Variants in ADGRF5 observed in about 807,000 individuals in gnomAD.
ADGRF5 encodes the protein adhesion G protein-coupled receptor F5.
A neutral mutation model predicts 132.3 loss-of-function variants in ADGRF5; 75 were observed. The ratio of observed to expected loss-of-function variants is 0.57; its 90% CI spans 0.47 to 0.69. ADGRF5 has a LOEUF of 0.69. Among genes scored for constraint, ADGRF5 ranks in the 30% least tolerant of loss-of-function variants. The pLI is 0.00. For synonymous variants in ADGRF5, 629 were observed against 597.6 expected (o/e 1.05, Z -0.77); for missense variants, 1,516 against 1,630.6 (o/e 0.93, Z 1.21).
chr6:46,889,680 A>T (rs1450707379), intron 3 of ADGRF5, among the ~76,000 whole-genome samples: 1 of 147,670 alleles, frequency 6.8e-6, no homozygotes, highest in Admixed American at 6.8e-5. Context: ...ATATACATAT[A>T]TAGACTATAT....
Position 46,860,599 on chromosome 6 carries a change from A to G in ADGRF5, c.2379+116T>C, listed in dbSNP as rs540184626. ...CATAGCTGGCAGAACTATCCTGAGC[A>G]CTGCTCTGGAAAAGACAGAGAAGCT... On this transcript the variant is annotated intron_variant, in intron 16 of 20. Transcript: ENST00000283296. 42 of 674,194 alleles carry G rather than the reference A, an allele frequency of 6.2e-5. No homozygotes were observed. In the African/African-American group the frequency reaches 6.8e-4, roughly 11 times the overall value. The allele number at this position is 674,194 out of a possible 1,614,324, so 41.8% of individuals were successfully genotyped here. A position where few individuals can be genotyped will look rare whatever the true frequency, so the allele number is the denominator to read the frequency against.
chr6:46,905,613 C>A (rs569623036), intron 2 of ADGRF5, among the ~76,000 whole-genome samples: 1 of 151,854 alleles, frequency 6.6e-6, no homozygotes, highest in African/African-American at 2.4e-5. Flanking sequence ...GGACAAAAAT[C>A]GGGCAAACAC....
intron 14 of ADGRF5, 106 bp downstream of exon 14, chr6:46,864,936 G>T: frequency 1.3e-6 from 1 of 758,034 alleles, no homozygotes; most frequent in Admixed American, 2.4e-5. Flanking sequence ...ACCACAGTGA[G>T]GGTATTTAAC....
chr6:46,874,782 C>A (rs1230770758), intron 10 of ADGRF5, among the ~76,000 whole-genome samples: 1 of 152,156 alleles, frequency 6.6e-6, no homozygotes, highest in Non-Finnish European at 1.5e-5. Flanking sequence ...CTAACCACAG[C>A]AGCTCCACTT....
chr6:46,940,499 A>T (rs9369646), intron 1 of ADGRF5, among the ~76,000 whole-genome samples: 77,970 of 151,886 alleles, frequency 0.51, 20,961 homozygotes, highest in East Asian at 0.64. Flanking sequence ...AGCCCTCAGG[A>T]TATATTTCAG....
chr6:46,852,624 T>C lies in ADGRF5; in HGVS notation c.*1368A>G, dbSNP rs1269684272. 1 of 144,836 alleles carries C rather than the reference T, an allele frequency of 6.9e-6. No homozygotes were observed. Among genetic ancestry groups the C allele is most frequent in the African/African-American group, 2.9e-5 (1 of 34,540 alleles). The allele number at this position is 144,836 out of a possible 1,614,324, so 9.0% of individuals were successfully genotyped here. ...TTTCATAAATATTTATATTTTTTAA[T>C]GAAATACACACCAAAAAAAAGCACA... is the stretch of plus-strand genomic sequence containing the variant. On this transcript the variant is annotated 3_prime_UTR_variant, in exon 21 of 21. Coordinates refer to ENST00000283296, the MANE Select transcript of ADGRF5 (RefSeq NM_001098518.2).
chr6:46,914,812 C>G (rs182646150), intron 1 of ADGRF5, among the ~76,000 whole-genome samples: 2 of 151,576 alleles, frequency 1.3e-5, no homozygotes, highest in Non-Finnish European at 1.5e-5. Flanking sequence ...GGAGGGAAGC[C>G]CTGTGGAATG....
intron 8 of ADGRF5, among the ~76,000 whole-genome samples, chr6:46,880,826 C>T (rs1407376530): frequency 6.6e-6 from 1 of 152,136 alleles, no homozygotes. Flanking sequence ...CATGGTGGCT[C>T]ATGCCTGTAA....
chr6:46,931,812 C>T (rs1010754622), intron 1 of ADGRF5, among the ~76,000 whole-genome samples: 27 of 152,138 alleles, frequency 1.8e-4, no homozygotes, highest in Admixed American at 8.5e-4. Context: ...CCCAGCTACT[C>T]GGGAGGCTGA....
intron 14 of ADGRF5, among the ~76,000 whole-genome samples, chr6:46,863,698 C>A (rs1288717538): frequency 6.6e-6 from 1 of 152,194 alleles, no homozygotes; most frequent in African/African-American, 2.4e-5. Flanking sequence ...GACCCTGACT[C>A]TGATGAGACC....
At chr6:46,903,907 G>A (rs111345037) in intron 2 of ADGRF5, among the ~76,000 whole-genome samples, 67 of 152,272 alleles carry the variant, frequency 4.4e-4, no homozygotes, top group Middle Eastern at 3.4e-3. Context: ...GCCTCACAAC[G>A]AACAGATGAA....
intron 15 of ADGRF5, 37 bp from the exon 16 acceptor site, chr6:46,860,931 C>G: frequency 6.5e-7 from 1 of 1,537,248 alleles, no homozygotes; most frequent in East Asian, 2.3e-5. Flanking sequence ...AAAAATTTAC[C>G]AATCAATTCA....
At chr6:46,907,923 C>T (rs1474421658) in intron 1 of ADGRF5, 1 of 152,176 alleles carries the variant, frequency 6.6e-6, no homozygotes, top group Non-Finnish European at 1.5e-5. Flanking sequence ...GAAATGCAGG[C>T]TGCAATAATT....
chr6:46,918,951 C>G (rs1341531745), intron 1 of ADGRF5, among the ~76,000 whole-genome samples: 1 of 152,192 alleles, frequency 6.6e-6, no homozygotes, highest in Admixed American at 6.5e-5. Context: ...AGATTAAAAA[C>G]AACAAACAAA....
chr6:46,945,698 C>T (rs1480730737), intron 1 of ADGRF5, among the ~76,000 whole-genome samples: 1 of 152,136 alleles, frequency 6.6e-6, no homozygotes, highest in African/African-American at 2.4e-5. Context: ...TTAGGAGGAT[C>T]GTTTACTTGA....
At chr6:46,895,379 G>A (rs778663172) in intron 3 of ADGRF5, among the ~76,000 whole-genome samples, 5 of 151,712 alleles carry the variant, frequency 3.3e-5, no homozygotes, top group Admixed American at 6.6e-5. Context: ...CATCACTGCC[G>A]GCTCAGAGCA....
intron 10 of ADGRF5, among the ~76,000 whole-genome samples, chr6:46,877,225 C>CTCTTTCTTTCTTTCTTTCTTTTCTT (rs1771763723): frequency 7.6e-6 from 1 of 131,682 alleles, no homozygotes; most frequent in Non-Finnish European, 1.7e-5. Flanking sequence ...TTTATTTCCT[C>CTCTTTCTTTCTTTCTTTCTTTTCTT]TCTTTCTTTC....
At chr6:46,892,110 C>A (rs994041645) in intron 3 of ADGRF5, among the ~76,000 whole-genome samples, 7 of 150,802 alleles carry the variant, frequency 4.6e-5, no homozygotes, top group Admixed American at 6.6e-5. Flanking sequence ...CTCCAGTGAT[C>A]CCCAAACTTA....
At chr6:46,938,649 G>T (rs147477603) in intron 1 of ADGRF5, among the ~76,000 whole-genome samples, 216 of 152,226 alleles carry the variant, frequency 1.4e-3, no homozygotes, top group African/African-American at 5.0e-3. Context: ...AACCCTTTGG[G>T]TGTCCCCTGA....
Sources: allele counts gnomAD v4.1 joint callset (sites outside exome capture counted in the v4.1 genomes callset), GRCh38; gene constraint gnomAD v4.1.1; transcripts MANE v1.5; gene names NCBI Gene and HGNC (gene_info 2026-07-23, HGNC 2026-07-21).